Variants in TSGA10 observed in about 807,000 individuals in gnomAD.
The protein encoded by TSGA10 is testis specific 10.
TSGA10 carries 43 observed loss-of-function variants against 96.6 expected under a neutral mutation model. The observed-to-expected ratio is 0.44, with a 90% CI of 0.35 to 0.57. The LOEUF (loss-of-function observed/expected upper bound fraction) is 0.57. TSGA10 is among the 20% of genes least tolerant of loss of function. The probability of loss-of-function intolerance (pLI) is 0.01; values close to 1 mark genes in which losing one functional copy is unlikely to be tolerated. For synonymous variants in TSGA10, 229 were observed against 269.9 expected, an observed-to-expected ratio of 0.85 and a Z score of 1.48; for missense variants, 703 against 834.4, an observed-to-expected ratio of 0.84 and a Z score of 1.94.
At chr2:99,041,774 T>G (rs1012698546) in intron 16 of TSGA10, among the ~76,000 whole-genome samples, 4 of 152,088 alleles carry the variant, frequency 2.6e-5, no homozygotes, top group African/African-American at 9.7e-5. Context: ...AGGCAAACCC[T>G]TCATTACCAA....
At position 98,997,706 on chromosome 2, in the gene TSGA10, G is replaced by A. The variant is rs1418043128; in HGVS notation, c.*491C>T. ...CTGCTTCAATATCAGATTATGGCAT[G>A]GAATTCATGTAAGGTTGGTTCCAAA... is the stretch of plus-strand genomic sequence containing the variant. On this transcript the variant is annotated 3_prime_UTR_variant, in exon 21 of 21. Coordinates refer to ENST00000393483, the MANE Select transcript of TSGA10 (RefSeq NM_025244.4). 1 of 152,408 alleles carries A rather than the reference G, an allele frequency of 6.6e-6. No homozygotes were observed. Among genetic ancestry groups the A allele is most frequent in the African/African-American group, 2.4e-5 (1 of 41,412 alleles). 9.4% of individuals were successfully genotyped at this position (152,408 alleles called of 1,614,324 possible). A position where few individuals can be genotyped will look rare whatever the true frequency, so the allele number is the denominator to read the frequency against.
At chr2:99,036,424 G>A (rs1419952388) in intron 16 of TSGA10, among the ~76,000 whole-genome samples, 1 of 152,016 alleles carries the variant, frequency 6.6e-6, no homozygotes, top group South Asian at 2.1e-4. Flanking sequence ...ATGGTATGTG[G>A]TATCTGCTCT....
At chr2:99,137,535 G>A (rs187839985) in intron 1 of TSGA10, among the ~76,000 whole-genome samples, 3 of 151,726 alleles carry the variant, frequency 2.0e-5, no homozygotes, top group African/African-American at 4.8e-5. Flanking sequence ...GTATTTTTGA[G>A]CCAGGATCAT....
chr2:99,014,204 G>A (rs751300702), intron 20 of TSGA10, among the ~76,000 whole-genome samples: 3 of 151,614 alleles, frequency 2.0e-5, no homozygotes, highest in Middle Eastern at 3.2e-3. Flanking sequence ...GCATTGTGAC[G>A]CATGCCTGTA....
intron 9 of TSGA10, among the ~76,000 whole-genome samples, 172 bp downstream of exon 9, chr2:99,105,187 A>C (rs1156799174): frequency 6.6e-6 from 1 of 152,202 alleles, no homozygotes; most frequent in Non-Finnish European, 1.5e-5. Context: ...TTAGAAGGAA[A>C]TAAACAAATG....
intron 16 of TSGA10, among the ~76,000 whole-genome samples, chr2:99,052,986 C>T (rs965866219): frequency 5.3e-5 from 8 of 151,742 alleles, no homozygotes; most frequent in East Asian, 1.9e-4. Context: ...AGTTTGAGCC[C>T]GAGAGACAGA....
Position 99,150,842 on chromosome 2 carries a change from T to C in TSGA10, c.-621+3851A>G, listed in dbSNP as rs185415798. On this transcript the variant is annotated intron_variant, in intron 1 of 20. Coordinates refer to ENST00000393483, the MANE Select transcript of TSGA10 (RefSeq NM_025244.4). Reference sequence around the variant, plus strand: ...ATGACAGATGTGGAATGAAGCAATTTGTACGTATTACCAAAGAAACCAAAA... The same window carrying C: ...ATGACAGATGTGGAATGAAGCAATTCGTACGTATTACCAAAGAAACCAAAA... The C allele has an allele frequency of 1.5e-3, 2,409 of 1,558,526 alleles. 6 individuals carry two copies. The highest frequency in any genetic ancestry group is 1.7e-3 in the Non-Finnish European group (1,955 of 1,153,874).
chr2:99,068,921 C>A lies in TSGA10; in HGVS notation c.1185G>T (p.Glu395Asp). ...IKQKVQDTNL[E>D]VNKLKNILKS... ...TTAATATATTCTTCAGCTTGTTAAC[C>A]TCCAAATTAGTATCTTGAACCTTCT... Residue 395 changes from glutamate to aspartate, a missense_variant, in exon 15 of 21, where the codon GAG (glutamate) becomes GAT (aspartate). Glu to Asp is a conservative substitution (Grantham distance 45). This residue lies in a region of TSGA10 where 585 missense variants were observed against 656.8 expected (regional missense o/e 0.89). Transcript: ENST00000393483. 1.4e-6 allele frequency: 2 copies of A among 1,463,194 alleles called. No homozygotes were observed. The highest frequency in any genetic ancestry group is 1.6e-5 in the South Asian group (1 of 62,062). 90.6% of individuals were successfully genotyped at this position (1,463,194 alleles called of 1,614,324 possible).
At chr2:99,037,823 T>C (rs1299884939) in intron 16 of TSGA10, among the ~76,000 whole-genome samples, 3 of 151,950 alleles carry the variant, frequency 2.0e-5, no homozygotes, top group Admixed American at 6.6e-5. Flanking sequence ...GCACTGCCCC[T>C]GGTCAACAAG....
At chr2:99,072,921 C>T (rs944389648) in intron 13 of TSGA10, 97 bp downstream of exon 13, 13 of 817,488 alleles carry the variant, frequency 1.6e-5, no homozygotes, top group African/African-American at 5.1e-5. Context: ...GCACCTTACA[C>T]GTATCATTAA....
At chr2:99,031,050 A>T (rs1558779541) in intron 17 of TSGA10, among the ~76,000 whole-genome samples, 2 of 152,140 alleles carry the variant, frequency 1.3e-5, no homozygotes, top group Non-Finnish European at 2.9e-5. Flanking sequence ...TTTTGAAAAA[A>T]AAAGAATAAA....
At chr2:99,111,273 C>A (rs1369401315) in intron 4 of TSGA10, among the ~76,000 whole-genome samples, 1 of 152,078 alleles carries the variant, frequency 6.6e-6, no homozygotes, top group Non-Finnish European at 1.5e-5. Flanking sequence ...CAAATTACCC[C>A]ATTCAGAAAA....
chr2:99,070,431 C>G (rs1324892244), intron 14 of TSGA10, among the ~76,000 whole-genome samples: 1 of 151,938 alleles, frequency 6.6e-6, no homozygotes, highest in Admixed American at 6.6e-5. Flanking sequence ...GTGATTTTAT[C>G]CCACTACATT....
chr2:99,023,121 C>T (rs62154638), intron 17 of TSGA10, among the ~76,000 whole-genome samples: 66,019 of 151,922 alleles, frequency 0.43, 17,000 homozygotes, highest in African/African-American at 0.72. Flanking sequence ...CACCTCAGCC[C>T]CTCAAGTCTC....
At chr2:99,137,567 AT>A (rs34412914) in intron 1 of TSGA10, among the ~76,000 whole-genome samples, 44 of 150,152 alleles carry the variant, frequency 2.9e-4, no homozygotes, top group African/African-American at 2.5e-4. Context: ...TTTCTTTTTC[AT>A]TTTTTTTTCC....
rs745709032 is a variant in TSGA10, at chr2:99,105,574, A to G, written c.334T>C (p.Leu112=). Residue 112 remains leucine (L), a synonymous_variant, in exon 8 of 21, where the codon TTA becomes CTA. Transcript: ENST00000393483. ...TCTCGTTCTGTGGTCATTCTTCGTA[A>G]ATCAGTAAAGGCTACATCTCTTTCA... ...ETERDVAFTD[L]RRMTTERDSL... 3 of 1,612,148 alleles carry G rather than the reference A, an allele frequency of 1.9e-6. No homozygotes were observed. The highest frequency in any genetic ancestry group is 2.5e-6 in the Non-Finnish European group (3 of 1,178,412).
chr2:99,024,763 A>G (rs562854571), intron 17 of TSGA10, among the ~76,000 whole-genome samples: 5 of 152,274 alleles, frequency 3.3e-5, no homozygotes, highest in Admixed American at 6.5e-5. Context: ...CACTAAGTAC[A>G]GTGTTTGCTG....
At chr2:99,004,068 A>G (rs2078241690) in intron 20 of TSGA10, among the ~76,000 whole-genome samples, 1 of 152,210 alleles carries the variant, frequency 6.6e-6, no homozygotes, top group African/African-American at 2.4e-5. Flanking sequence ...AATAAAGAAG[A>G]AAAGAGAGAA....
At chr2:99,003,879 C>T (rs2078208574) in intron 20 of TSGA10, among the ~76,000 whole-genome samples, 1 of 152,086 alleles carries the variant, frequency 6.6e-6, no homozygotes, top group South Asian at 2.1e-4. Flanking sequence ...TTTAACATCA[C>T]AATTAAAAGA....
Sources: allele counts gnomAD v4.1 joint callset (sites outside exome capture counted in the v4.1 genomes callset), GRCh38; gene constraint gnomAD v4.1.1; regional missense constraint gnomAD v4.1.1; transcripts MANE v1.5; gene names NCBI Gene and HGNC (gene_info 2026-07-23, HGNC 2026-07-21).